Variants in ZNF454 observed in about 807,000 individuals in gnomAD.
ZNF454 encodes zinc finger protein 454.
In ZNF454, 30 loss-of-function variants were observed where a neutral mutation model predicts 48.2. That is an observed-to-expected ratio of 0.62 (90% CI 0.47 to 0.84). ZNF454 has a LOEUF of 0.84. Among genes scored for constraint, ZNF454 ranks in the 40% least tolerant of loss-of-function variants. The pLI, the probability that ZNF454 is intolerant of heterozygous loss-of-function variation, is 0.00. For synonymous variants in ZNF454, 204 were observed against 211.4 expected (o/e 0.97, Z 0.30); for missense variants, 510 against 623.1 (o/e 0.82, Z 1.93).
chr5:178,956,854 C>T (rs11747215), intron 4 of ZNF454: 197,040 of 331,052 alleles, frequency 0.6, 59,157 homozygotes, highest in Admixed American at 0.63. Context: ...TACAGGCGCC[C>T]GCCACCATGC....
downstream of ZNF454, among the ~76,000 whole-genome samples, chr5:178,970,109 C>T (rs1181628054): frequency 1.4e-4 from 22 of 152,232 alleles, no homozygotes. Flanking sequence ...GGCCGAGCCT[C>T]AGAGTCTTGG....
At position 178,949,584 on chromosome 5, in the gene ZNF454, T is replaced by C. The variant is rs146338003; in HGVS notation, c.250+2598T>C. On this transcript the variant is annotated intron_variant, in intron 4 of 4. Transcript: ENST00000519564. ...TTTGTTGGATTCATTTTTAGTTTTTTTCTCTTATTTCTGTTTCATTTCCTT... is the reference window on the plus strand; with the variant it reads ...TTTGTTGGATTCATTTTTAGTTTTTCTCTCTTATTTCTGTTTCATTTCCTT... Among the ~76,000 whole-genome samples the C allele has an allele frequency of 5.3e-5, 8 of 152,276 alleles. No individual in the cohort carries two copies. The East Asian group carries it at 1.5e-3, about 29-fold the overall frequency.
In ZNF454 at chr5:178,942,806, C is replaced by T. The variant is rs566980485; in HGVS notation, c.15C>T (p.His5=). Residue 5 remains histidine, a synonymous_variant, in exon 2 of 5, where the codon CAC becomes CAT. Coordinates refer to ENST00000519564, the MANE Select transcript of ZNF454 (RefSeq NM_001178089.3). ...GAGAAGAAAGAATGGCTGTCAGCCA[C>T]CTGCCAACCATGGTCCAGGTGAGTG... is the stretch of plus-strand genomic sequence containing the variant. The part of the protein sequence containing the change: MAVS[H]LPTMVQESVT... The T allele has an allele frequency of 1.2e-6, 2 of 1,613,946 alleles. No individual in the cohort carries two copies. Among genetic ancestry groups the T allele is most frequent in the African/African-American group, 1.3e-5 (1 of 75,058 alleles).
chr5:178,942,273 G>T (rs901532034), intron 1 of ZNF454, among the ~76,000 whole-genome samples: 21 of 152,192 alleles, frequency 1.4e-4, no homozygotes, highest in African/African-American at 5.1e-4. Flanking sequence ...GGGCGTGGTG[G>T]CGGGTGCGTG....
chr5:178,956,671 TTTAATTTA>T (rs201219015), intron 4 of ZNF454, among the ~76,000 whole-genome samples: 39,430 of 118,998 alleles, frequency 0.33, 6,614 homozygotes, highest in African/African-American at 0.39. Flanking sequence ...TTTTATTTTA[TTTAATTTA>T]TTTATTTATT....
At chr5:178,989,212 C>G in the ZNF454 span, 1 of 1,102,376 alleles carries the variant, frequency 9.1e-7, no homozygotes, top group Non-Finnish European at 1.3e-6. Flanking sequence ...CCCCTCCCCA[C>G]CCTCACCACC....
intron 2 of ZNF454, among the ~76,000 whole-genome samples, chr5:178,945,547 GTGTT>G (rs1759295696): frequency 6.7e-6 from 1 of 149,378 alleles, no homozygotes. Flanking sequence ...GTATGGGTCT[GTGTT>G]TGTATATAGG....
At chr5:178,968,104 A>AACACACACACAC (rs1760192241), downstream of ZNF454, among the ~76,000 whole-genome samples, 1 of 40,280 alleles carries the variant, frequency 2.5e-5, no homozygotes, top group Non-Finnish European at 5.1e-5. Flanking sequence ...ACATCTGTGC[A>AACACACACACAC]TCACACACAC....
the ZNF454 span, among the ~76,000 whole-genome samples, chr5:178,974,928 G>C: frequency 6.6e-6 from 1 of 152,284 alleles, no homozygotes; most frequent in South Asian, 2.1e-4. Context: ...CGGATCTCAG[G>C]AATTGGTCAC....
chr5:178,985,404 T>TAAAA, the ZNF454 span: 22 of 317,038 alleles, frequency 6.9e-5, no homozygotes, highest in African/African-American at 2.4e-4. Context: ...CCTGTGGCCT[T>TAAAA]AAAAAAAAAA....
Position 178,956,462 on chromosome 5 carries a change from G to T in ZNF454, c.251-8193G>T, listed in dbSNP as rs1232712389. Among the ~76,000 whole-genome samples, 6 of 140,360 alleles carry T rather than the reference G, an allele frequency of 4.3e-5. No individual in the cohort carries two copies. The Admixed American group carries it at 4.7e-4, about 11-fold the overall frequency. The allele number at this position is 140,360 out of a possible 152,430, so 92.1% of individuals were successfully genotyped here. A position where few individuals can be genotyped will look rare whatever the true frequency, so the allele number is the denominator to read the frequency against. On this transcript the variant is annotated intron_variant, in intron 4 of 4. Coordinates refer to ENST00000519564, the MANE Select transcript of ZNF454 (RefSeq NM_001178089.3). ...AACACAGTTCTCCGGCCCCAACACA[G>T]TTCTCCCGCCCCAGGCATCTTCCGT... is the stretch of plus-strand genomic sequence containing the variant.
In ZNF454 at chr5:178,964,327, A is replaced by G. The variant is rs534429450; in HGVS notation, c.251-328A>G. On this transcript the variant is annotated intron_variant, in intron 4 of 4. Coordinates refer to ENST00000519564, the MANE Select transcript of ZNF454 (RefSeq NM_001178089.3). ...AGTAGAGACGGGGTTTCACCGTGTT[A>G]GCCAGGATGGTCTCGATCTCCTGAC... Among the ~76,000 whole-genome samples the G allele has an allele frequency of 3.3e-5, 5 of 152,126 alleles. No individual in the cohort carries two copies. The East Asian group carries it at 9.8e-4, about 30-fold the overall frequency.
chr5:178,942,017 C>G (rs746612234), intron 1 of ZNF454, among the ~76,000 whole-genome samples: 1 of 152,226 alleles, frequency 6.6e-6, no homozygotes, highest in Non-Finnish European at 1.5e-5. Context: ...CCAATCCAGT[C>G]GAACCCAGAC....
In ZNF454 at chr5:178,946,559, G is replaced by A; in HGVS notation, c.160+74G>A. The A allele has an allele frequency of 1.3e-6, 2 of 1,520,694 alleles. No individual in the cohort carries two copies. Among genetic ancestry groups the A allele is most frequent in the Non-Finnish European group, 1.8e-6 (2 of 1,137,506 alleles). The allele number at this position is 1,520,694 out of a possible 1,614,324, so 94.2% of individuals were successfully genotyped here. On this transcript the variant is annotated intron_variant, in intron 3 of 4. Transcript: ENST00000519564. This position sits in a 1 kb window ranked among gnomAD's most constrained non-coding sequence, Gnocchi z 4.5. ...GGGACCCTTACATTGACACCATATA[G>A]AAGAGTCGGTTGGACCAACTGAGGA...
At chr5:178,973,660 G>A in the ZNF454 span, among the ~76,000 whole-genome samples, 4,590 of 152,146 alleles carry the variant, frequency 0.03, 98 homozygotes, top group Non-Finnish European at 0.044. Context: ...TGGCTAACAC[G>A]GTGAAACCCC....
the ZNF454 span, chr5:178,989,217 A>AACCCC: frequency 2.1e-6 from 2 of 954,822 alleles, no homozygotes; most frequent in Non-Finnish European, 2.9e-6. Context: ...CCCCACCCTC[A>AACCCC]CCACCCTCCC....
chr5:178,941,337 G>A lies in ZNF454; in HGVS notation c.-215G>A, dbSNP rs977376171. The A allele has an allele frequency of 1.8e-5, 8 of 452,802 alleles. No individual in the cohort carries two copies. Among genetic ancestry groups the A allele is most frequent in the South Asian group, 1.1e-4 (7 of 64,030 alleles). The allele number at this position is 452,802 out of a possible 1,614,324, so 28.0% of individuals were successfully genotyped here. A position where few individuals can be genotyped will look rare whatever the true frequency, so the allele number is the denominator to read the frequency against. ...GGTCAAAGCCGCAGAGGGAGAGCGG[G>A]AGCGGTCGTGAGGTCGTCTGGGGAG... On this transcript the variant is annotated 5_prime_UTR_variant, in exon 1 of 5. Transcript: ENST00000519564. The surrounding 1 kb of genome is among the most constrained non-coding windows in gnomAD (Gnocchi z 5.5).
chr5:178,985,814 T>G, the ZNF454 span: 54 of 521,596 alleles, frequency 1.0e-4, 1 homozygote, highest in South Asian at 9.2e-4. Flanking sequence ...CAAGCTGGAT[T>G]GTAGTGGTGC....
chr5:178,942,857 T>C, intron 2 of ZNF454, 33 bp downstream of exon 2: 1 of 1,605,732 alleles, frequency 6.2e-7, no homozygotes, highest in African/African-American at 1.3e-5. Flanking sequence ...TAAATTGCTT[T>C]CTGGATTTGA....
Sources: allele counts gnomAD v4.1 joint callset (sites outside exome capture counted in the v4.1 genomes callset), GRCh38; gene constraint gnomAD v4.1.1; non-coding constraint Gnocchi (gnomAD v3.1); transcripts MANE v1.5; gene names NCBI Gene and HGNC (gene_info 2026-07-23, HGNC 2026-07-21).